The following MYO1H variants were observed in gnomAD, a reference collection of about 807,000 sequenced individuals.
MYO1H encodes unconventional myosin-Ih.
In MYO1H, 118 loss-of-function variants were observed where a neutral mutation model predicts 149.3. The observed-to-expected ratio is 0.79, with a 90% CI of 0.68 to 0.92. MYO1H has a LOEUF of 0.92. Among genes scored for constraint, MYO1H ranks in the 40% least tolerant of loss-of-function variants. The pLI, the probability that MYO1H is intolerant of heterozygous loss-of-function variation, is 0.00. For missense variants in MYO1H, 1,212 were observed against 1,280.7 expected, an observed-to-expected ratio of 0.95 and a Z score of 0.82; for synonymous variants, 447 against 465.2, an observed-to-expected ratio of 0.96 and a Z score of 0.50.
chr12:109,383,971 G>A (rs1228721376), intron 1 of MYO1H, among the ~76,000 whole-genome samples: 1 of 152,198 alleles, frequency 6.6e-6, no homozygotes, highest in Non-Finnish European at 1.5e-5. Flanking sequence ...TGAGCAACAG[G>A]TCTAAACCAT....
At chr12:109,354,828 T>G (rs1868551638) in intron 1 of MYO1H, among the ~76,000 whole-genome samples, 1 of 152,168 alleles carries the variant, frequency 6.6e-6, no homozygotes, top group South Asian at 2.1e-4. Flanking sequence ...AGAGGAATCT[T>G]AGGGACTAGC....
At chr12:109,404,679 T>G (rs1870301400) in intron 7 of MYO1H, among the ~76,000 whole-genome samples, 1 of 152,168 alleles carries the variant, frequency 6.6e-6, no homozygotes, top group Non-Finnish European at 1.5e-5. Flanking sequence ...TTTCCTAATA[T>G]TGTGTGCAAG....
intron 1 of MYO1H, among the ~76,000 whole-genome samples, chr12:109,368,612 G>C (rs1401456735): frequency 7.2e-6 from 1 of 139,046 alleles, no homozygotes; most frequent in African/African-American, 2.7e-5. Flanking sequence ...GCTGAGATCA[G>C]CCTGGGCAAC....
intron 3 of MYO1H, 76 bp downstream of exon 3, chr12:109,393,522 C>T (rs1025301107): frequency 3.0e-5 from 14 of 461,786 alleles, no homozygotes; most frequent in African/African-American, 1.7e-4. Flanking sequence ...CTTCTCACCA[C>T]GCATCTGTCC....
rs111628965 is a variant in MYO1H at position 109,422,778 on chromosome 12, TA to T, written c.1644+1759del. On this transcript the variant is annotated intron_variant, in intron 16 of 31. Coordinates refer to ENST00000310903, the Ensembl canonical transcript of MYO1H. ...TTAAACAACAACAAAAAAATTCAAT[TA>T]AAAAAAATGGGGTGCCAGGCACAGT... Among the ~76,000 whole-genome samples the T allele has an allele frequency of 4.6e-5, 7 of 151,872 alleles. No homozygotes were observed. The East Asian group carries it at 5.8e-4, about 13-fold the overall frequency.
the MYO1H span, among the ~76,000 whole-genome samples, chr12:109,322,819 CA>C: frequency 0.37 from 28,773 of 77,442 alleles, 2,632 homozygotes; most frequent in Middle Eastern, 0.42. Flanking sequence ...GACTCCGTCT[CA>C]AAAAAAAAAA....
chr12:109,395,247 T>C (rs1327030158), intron 3 of MYO1H, among the ~76,000 whole-genome samples: 2 of 152,218 alleles, frequency 1.3e-5, no homozygotes, highest in African/African-American at 4.8e-5. Flanking sequence ...CACTCCATTT[T>C]TAGTATTCTA....
At chr12:109,440,764 A>G (rs371839459) in exon 25 of MYO1H, 146 of 1,563,228 alleles carry the variant, frequency 9.3e-5, no homozygotes, top group Non-Finnish European at 1.2e-4. Context: ...TGCTCAGGAA[A>G]ATGTGCGTGA....
At chr12:109,356,932 A>G (rs9332412) in intron 1 of MYO1H, among the ~76,000 whole-genome samples, 72,613 of 152,006 alleles carry the variant, frequency 0.48, 17,944 homozygotes, top group African/African-American at 0.58. Flanking sequence ...TTTGATCCTT[A>G]TAAATTCCAT....
intron 30 of MYO1H, 26 bp downstream of exon 30, chr12:109,444,555 GAAGT>G (rs1872397087): frequency 6.4e-7 from 1 of 1,556,422 alleles, no homozygotes; most frequent in African/African-American, 1.4e-5. Flanking sequence ...TTCAGCTCAG[GAAGT>G]AATTCAATGT....
At chr12:109,398,407 A>G (rs1870009841) in intron 5 of MYO1H, among the ~76,000 whole-genome samples, 1 of 152,200 alleles carries the variant, frequency 6.6e-6, no homozygotes, top group Admixed American at 6.5e-5. Context: ...TCTTGGGAAC[A>G]TACTGTATGC....
At chr12:109,438,459 CAAAGCCTTCTGGA>C (rs1433055078) in intron 22 of MYO1H, 64 bp from the exon 23 acceptor site, 3 of 1,170,624 alleles carry the variant, frequency 2.6e-6, no homozygotes, top group African/African-American at 3.0e-5. Flanking sequence ...GTTGAATGGA[CAAAGCCTTCTGGA>C]AAAGCCTTCT....
At chr12:109,428,629 T>C (rs957932596) in intron 19 of MYO1H, among the ~76,000 whole-genome samples, 1 of 152,208 alleles carries the variant, frequency 6.6e-6, no homozygotes, top group Non-Finnish European at 1.5e-5. Context: ...AGAAATTTCA[T>C]GTGGTTCAAC....
intron 17 of MYO1H, 32 bp from the exon 18 acceptor site, chr12:109,425,914 C>G (rs764893920): frequency 3.4e-5 from 51 of 1,483,180 alleles, no homozygotes; most frequent in Non-Finnish European, 4.7e-5. Flanking sequence ...CTCTCTGGCT[C>G]GTTCTCTCTC....
chr12:109,415,462 C>A, intron 14 of MYO1H, 64 bp from the exon 15 acceptor site: 1 of 1,469,064 alleles, frequency 6.8e-7, no homozygotes, highest in Non-Finnish European at 9.3e-7. Flanking sequence ...GGCAACAGAG[C>A]AAGACGCCAT....
chr12:109,367,798 C>T (rs1447928797), intron 1 of MYO1H, among the ~76,000 whole-genome samples: 4 of 152,098 alleles, frequency 2.6e-5, no homozygotes, highest in African/African-American at 7.2e-5. Flanking sequence ...ATGATCCGCT[C>T]GCCTCCGCCT....
Position 109,393,534 on chromosome 12 carries a change from T to TCCATTCATCCAA in MYO1H, c.290+99_290+100insACCATTCATCCA, listed in dbSNP as rs1356575420. ...TTCCTTCTCACCACGCATCTGTCCA[T>TCCATTCATCCAA]CCATTCATCCATCCATCCATCCATC... On this transcript the variant is annotated intron_variant, in intron 3 of 31. Coordinates refer to ENST00000310903, the Ensembl canonical transcript of MYO1H. The TCCATTCATCCAA allele has an allele frequency of 2.0e-5, 15 of 765,296 alleles. 2 individuals carry two copies. Among genetic ancestry groups the TCCATTCATCCAA allele is most frequent in the African/African-American group, 5.2e-5 (3 of 57,228 alleles). 47.4% of individuals were successfully genotyped at this position (765,296 alleles called of 1,614,324 possible). A position where few individuals can be genotyped will look rare whatever the true frequency, so the allele number is the denominator to read the frequency against.
rs1555250954 is a variant in MYO1H at position 109,395,268 on chromosome 12, G to GA, written c.291-1110dup. ...ATTTTTAGTATTCTAGGTTTTGAGGGAAAAAATACATGAGATCTTACTCTA... is the reference window on the plus strand; with the variant it reads ...ATTTTTAGTATTCTAGGTTTTGAGGGAAAAAAATACATGAGATCTTACTCTA... On this transcript the variant is annotated intron_variant, in intron 3 of 31. Coordinates refer to ENST00000310903, the Ensembl canonical transcript of MYO1H. Among the ~76,000 whole-genome samples the GA allele has an allele frequency of 3.3e-5, 5 of 152,048 alleles. No individual in the cohort carries two copies. In the South Asian group the frequency reaches 6.2e-4, roughly 19 times the overall value.
intron 21 of MYO1H, 70 bp downstream of exon 21, chr12:109,435,183 T>C (rs1003554220): frequency 1.9e-6 from 2 of 1,039,788 alleles, no homozygotes; most frequent in Non-Finnish European, 2.9e-6. Context: ...GGGGTAAATC[T>C]TAAACACGGG....
Sources: gnomAD v4.1 joint callset for allele counts (sites outside exome capture counted in the v4.1 genomes callset) on GRCh38, gnomAD v4.1.1 for gene constraint, MANE v1.5 for transcripts, NCBI Gene and HGNC (gene_info 2026-07-23, HGNC 2026-07-21) for gene names.